TAFA1: variants seen among roughly 807,000 people sequenced by gnomAD.
TAFA1 encodes the protein TAFA chemokine like family member 1.
In TAFA1, 4 loss-of-function variants were observed where a neutral mutation model predicts 18.5. The observed-to-expected ratio is 0.22, with a 90% CI of 0.11 to 0.49. The LOEUF is 0.49. Among genes scored for constraint, TAFA1 ranks in the 20% least tolerant of loss-of-function variants. TAFA1 has a pLI of 0.98. For missense variants in TAFA1, 147 were observed against 169.0 expected, an observed-to-expected ratio of 0.87 and a Z score of 0.72; for synonymous variants, 56 against 55.2, an observed-to-expected ratio of 1.01 and a Z score of -0.06.
At chr3:68,497,954 T>A (rs1433956614) in intron 3 of TAFA1, among the ~76,000 whole-genome samples, 1 of 152,176 alleles carries the variant, frequency 6.6e-6, no homozygotes, top group Non-Finnish European at 1.5e-5. Flanking sequence ...AACCCACTAA[T>A]TGAACTTTTT....
At chr3:68,012,618 T>C (rs1451099916) in intron 2 of TAFA1, among the ~76,000 whole-genome samples, 1 of 152,234 alleles carries the variant, frequency 6.6e-6, no homozygotes, top group Non-Finnish European at 1.5e-5. Flanking sequence ...TAGAATGACT[T>C]GAACTTTTAA....
intron 2 of TAFA1, among the ~76,000 whole-genome samples, chr3:68,397,854 G>C (rs1373850600): frequency 5.3e-5 from 8 of 152,008 alleles, no homozygotes; most frequent in Non-Finnish European, 1.0e-4. Context: ...TTATTTTGCT[G>C]TGCAGAAGCT....
intron 2 of TAFA1, among the ~76,000 whole-genome samples, chr3:68,075,332 C>T (rs1279634945): frequency 6.6e-6 from 1 of 152,168 alleles, no homozygotes; most frequent in Admixed American, 6.5e-5. Flanking sequence ...AATGAGTTTC[C>T]TTCCCCTTTG....
At chr3:68,236,747 G>T (rs1162415384) in intron 2 of TAFA1, among the ~76,000 whole-genome samples, 1 of 152,108 alleles carries the variant, frequency 6.6e-6, no homozygotes, top group Non-Finnish European at 1.5e-5. Flanking sequence ...GTCCCTGCCT[G>T]GTCATATAAA....
intron 2 of TAFA1, among the ~76,000 whole-genome samples, chr3:68,025,679 A>G (rs2106807347): frequency 6.6e-6 from 1 of 152,208 alleles, no homozygotes; most frequent in Middle Eastern, 3.4e-3. Flanking sequence ...ATAGGCACAC[A>G]TCTGTATTCA....
chr3:68,304,135 A>C (rs1277574099), intron 2 of TAFA1, among the ~76,000 whole-genome samples: 2 of 152,232 alleles, frequency 1.3e-5, no homozygotes, highest in Non-Finnish European at 2.9e-5. Context: ...AAGTATTCTA[A>C]CCATATTTTC....
intron 3 of TAFA1, among the ~76,000 whole-genome samples, chr3:68,490,414 A>T (rs1041862649): frequency 1.4e-4 from 22 of 152,206 alleles, no homozygotes; most frequent in Admixed American, 5.9e-4. Flanking sequence ...AAAAATATCC[A>T]TGATTATCTT....
chr3:68,006,352 GACTA>G (rs947186301), intron 1 of TAFA1: 10 of 388,826 alleles, frequency 2.6e-5, no homozygotes, highest in South Asian at 2.1e-4. Context: ...GTTTTAAACC[GACTA>G]ACTGATAGCC....
intron 2 of TAFA1, among the ~76,000 whole-genome samples, chr3:68,416,423 G>C (rs2070839812): frequency 1.3e-5 from 2 of 152,266 alleles, no homozygotes; most frequent in East Asian, 3.9e-4. Context: ...TAAATGGTCT[G>C]GGTCTATTCT....
chr3:68,358,261 TA>T (rs1477339194), intron 2 of TAFA1, among the ~76,000 whole-genome samples: 11 of 152,120 alleles, frequency 7.2e-5, no homozygotes, highest in African/African-American at 2.6e-4. Context: ...TATTGATTTT[TA>T]TTTTTTTTAT....
chr3:68,440,734 G>A (rs2071360451), intron 3 of TAFA1, among the ~76,000 whole-genome samples: 3 of 152,204 alleles, frequency 2.0e-5, no homozygotes, highest in Middle Eastern at 3.4e-3. Flanking sequence ...ACAGGGAATG[G>A]TAATACTAAG....
intron 3 of TAFA1, among the ~76,000 whole-genome samples, chr3:68,455,446 A>G (rs560179888): frequency 1.3e-5 from 2 of 152,336 alleles, no homozygotes; most frequent in African/African-American, 2.4e-5. Context: ...GTTATAAAAG[A>G]AGTCAAAGCA....
At chr3:68,289,761 G>T (rs917235467) in intron 2 of TAFA1, among the ~76,000 whole-genome samples, 1 of 152,196 alleles carries the variant, frequency 6.6e-6, no homozygotes, top group South Asian at 2.1e-4. Flanking sequence ...AATTAAGGGT[G>T]TCTCCTTGCT....
At chr3:68,449,524 AT>A (rs2071533037) in intron 3 of TAFA1, among the ~76,000 whole-genome samples, 1 of 152,264 alleles carries the variant, frequency 6.6e-6, no homozygotes, top group African/African-American at 2.4e-5. Context: ...GAAAAATCTA[AT>A]TTACATATGT....
intron 3 of TAFA1, among the ~76,000 whole-genome samples, chr3:68,432,024 A>G (rs887705035): frequency 2.0e-5 from 3 of 152,036 alleles, no homozygotes; most frequent in Admixed American, 6.6e-5. Context: ...ATTTACAGGT[A>G]ACACCAGTAG....
intron 3 of TAFA1, among the ~76,000 whole-genome samples, chr3:68,438,920 G>A (rs2071314485): frequency 6.6e-6 from 1 of 152,100 alleles, no homozygotes; most frequent in Non-Finnish European, 1.5e-5. Flanking sequence ...GTATCCCTGA[G>A]CAGCAAGCCC....
At chr3:68,056,177 A>G (rs566569157) in intron 2 of TAFA1, among the ~76,000 whole-genome samples, 2 of 152,286 alleles carry the variant, frequency 1.3e-5, no homozygotes, top group South Asian at 2.1e-4. Flanking sequence ...TTATGATTTC[A>G]TAGCACACCA....
chr3:68,214,683 A>G (rs559639133), intron 2 of TAFA1, among the ~76,000 whole-genome samples: 37 of 152,214 alleles, frequency 2.4e-4, no homozygotes, highest in South Asian at 4.1e-4. Context: ...ATTATGTGCT[A>G]AATTCTTGAT....
At chr3:68,191,493 A>G (rs2066339526) in intron 2 of TAFA1, among the ~76,000 whole-genome samples, 1 of 151,862 alleles carries the variant, frequency 6.6e-6, no homozygotes, top group African/African-American at 2.4e-5. Context: ...AGTGTATCCA[A>G]TTATTTTTGT....
Sources: gnomAD v4.1 joint callset for allele counts (sites outside exome capture counted in the v4.1 genomes callset) on GRCh38, gnomAD v4.1.1 for gene constraint, MANE v1.5 for transcripts, NCBI Gene and HGNC (gene_info 2026-07-23, HGNC 2026-07-21) for gene names.